Variants in CENPW observed in about 807,000 individuals in gnomAD.
CENPW encodes the protein cancer-up-regulated gene 2 protein.
CENPW carries 3 observed loss-of-function variants against 11.1 expected under a neutral mutation model. The ratio of observed to expected loss-of-function variants is 0.27; its 90% CI spans 0.12 to 0.70. CENPW has a LOEUF of 0.70. CENPW is among the 30% of genes least tolerant of loss of function. The pLI is 0.77. For missense variants in CENPW, 100 were observed against 105.6 expected, an observed-to-expected ratio of 0.95 and a Z score of 0.23; for synonymous variants, 38 against 42.0, an observed-to-expected ratio of 0.91 and a Z score of 0.37.
chr6:126,343,246 C>T (rs949418533), intron 1 of CENPW, among the ~76,000 whole-genome samples: 2 of 152,192 alleles, frequency 1.3e-5, no homozygotes, highest in African/African-American at 4.8e-5. Context: ...TACCCTAAAA[C>T]TAACTTTTGT....
At chr6:126,372,922 AG>A in the CENPW span, among the ~76,000 whole-genome samples, 1 of 152,342 alleles carries the variant, frequency 6.6e-6, no homozygotes, top group Middle Eastern at 3.4e-3. Context: ...ATAAAATGTT[AG>A]TCTTAGTCAT....
At chr6:126,406,681 G>A in the CENPW span, among the ~76,000 whole-genome samples, 9 of 151,854 alleles carry the variant, frequency 5.9e-5, no homozygotes, top group South Asian at 2.1e-4. Context: ...GTGAAACCCC[G>A]TCTCTACTAA....
At chr6:126,422,926 C>T in the CENPW span, among the ~76,000 whole-genome samples, 3 of 152,090 alleles carry the variant, frequency 2.0e-5, no homozygotes, top group Admixed American at 1.3e-4. Flanking sequence ...GCTAGAACAA[C>T]GTCAAGTAAC....
At chr6:126,343,421 A>G (rs1384961916) in intron 1 of CENPW, among the ~76,000 whole-genome samples, 2 of 152,200 alleles carry the variant, frequency 1.3e-5, no homozygotes, top group African/African-American at 4.8e-5. Context: ...GACAGAACTA[A>G]TAGGATAGAT....
chr6:126,416,906 C>T, the CENPW span, among the ~76,000 whole-genome samples: 1 of 152,190 alleles, frequency 6.6e-6, no homozygotes, highest in African/African-American at 2.4e-5. Context: ...AGAGTCCTTA[C>T]TGGGGCACTA....
the CENPW span, among the ~76,000 whole-genome samples, chr6:126,419,176 T>G: frequency 6.6e-6 from 1 of 152,162 alleles, no homozygotes; most frequent in Non-Finnish European, 1.5e-5. Context: ...GATCATGTCC[T>G]TCTTATGAGG....
At chr6:126,357,478 G>A in the CENPW span, among the ~76,000 whole-genome samples, 1 of 152,064 alleles carries the variant, frequency 6.6e-6, no homozygotes, top group Non-Finnish European at 1.5e-5. Flanking sequence ...AGTTGTATAG[G>A]AATAGCATAG....
the CENPW span, among the ~76,000 whole-genome samples, chr6:126,426,743 T>G: frequency 6.6e-6 from 1 of 152,176 alleles, no homozygotes; most frequent in Non-Finnish European, 1.5e-5. Context: ...AATAGACTTA[T>G]AAACTAAGGC....
intron 1 of CENPW, among the ~76,000 whole-genome samples, chr6:126,345,564 G>A (rs1304046292): frequency 4.0e-5 from 6 of 151,564 alleles, no homozygotes; most frequent in African/African-American, 7.3e-5. Context: ...TTTTTTAATA[G>A]ACTTTAAAAT....
the CENPW span, among the ~76,000 whole-genome samples, chr6:126,467,164 T>C: frequency 2.0e-5 from 3 of 151,914 alleles, no homozygotes; most frequent in Non-Finnish European, 4.4e-5. Context: ...TTCGAAACCA[T>C]AAAGGAGCCC....
the CENPW span, among the ~76,000 whole-genome samples, chr6:126,474,757 C>A: frequency 5.3e-5 from 8 of 152,264 alleles, no homozygotes; most frequent in East Asian, 1.5e-3. Context: ...CTCAACTCAC[C>A]TGTGATCTCT....
At chr6:126,458,277 C>T in the CENPW span, among the ~76,000 whole-genome samples, 1 of 151,320 alleles carries the variant, frequency 6.6e-6, no homozygotes, top group Non-Finnish European at 1.5e-5. Flanking sequence ...TAATTCATGG[C>T]TATGATCCTC....
At chr6:126,429,299 G>A in the CENPW span, among the ~76,000 whole-genome samples, 4 of 151,904 alleles carry the variant, frequency 2.6e-5, no homozygotes, top group Non-Finnish European at 5.9e-5. Context: ...ATTTTAATTT[G>A]TGATATAGTT....
At chr6:126,348,349 G>A in intron 2 of CENPW, 117 bp from the exon 3 acceptor site, 1 of 598,720 alleles carries the variant, frequency 1.7e-6, no homozygotes, top group East Asian at 3.2e-5. Flanking sequence ...TGGAAAATTG[G>A]GTTTTATAAA....
chr6:126,450,092 G>T, the CENPW span, among the ~76,000 whole-genome samples: 1 of 151,020 alleles, frequency 6.6e-6, no homozygotes, highest in Admixed American at 6.6e-5. Context: ...GTAAACCAAG[G>T]TTTAAAGACA....
At chr6:126,456,741 A>G in the CENPW span, among the ~76,000 whole-genome samples, 2 of 151,842 alleles carry the variant, frequency 1.3e-5, no homozygotes. Context: ...ACAGCAAAAT[A>G]AACTATCAAC....
the CENPW span, among the ~76,000 whole-genome samples, chr6:126,428,193 A>G: frequency 2.6e-5 from 4 of 152,202 alleles, no homozygotes; most frequent in Non-Finnish European, 5.9e-5. Flanking sequence ...TATATTACAC[A>G]TGTATCTTGA....
chr6:126,351,879 A>G (rs1055352641), downstream of CENPW, among the ~76,000 whole-genome samples: 1 of 152,036 alleles, frequency 6.6e-6, no homozygotes, highest in Non-Finnish European at 1.5e-5. Flanking sequence ...TTTAATCTTG[A>G]CAATCAATAT....
chr6:126,352,537 G>T (rs183531012), downstream of CENPW, among the ~76,000 whole-genome samples: 9 of 152,134 alleles, frequency 5.9e-5, no homozygotes, highest in Admixed American at 5.2e-4. Context: ...CATGTTGCTT[G>T]TATTTCCTTT....
Sources: allele counts gnomAD v4.1 joint callset (sites outside exome capture counted in the v4.1 genomes callset), GRCh38; gene constraint gnomAD v4.1.1; transcripts MANE v1.5; gene names NCBI Gene and HGNC (gene_info 2026-07-23, HGNC 2026-07-21).